CHODL: variants seen among roughly 807,000 people sequenced by gnomAD.
The protein encoded by CHODL is transmembrane protein MT75.
Under a neutral mutation model 34.5 loss-of-function variants are expected in CHODL, and 29 were observed. That is an observed-to-expected ratio of 0.84 (90% confidence interval 0.63 to 1.15). The LOEUF (loss-of-function observed/expected upper bound fraction) is 1.15. CHODL is among the 50% of genes most tolerant of loss of function. The pLI is 0.00. For missense variants in CHODL, 332 were observed against 332.5 expected (o/e 1.00, Z 0.01); for synonymous variants, 125 against 116.1 (o/e 1.08, Z -0.49).
chr21:18,091,182 C>G (rs1022463162), intron 2 of CHODL, among the ~76,000 whole-genome samples: 1 of 152,226 alleles, frequency 6.6e-6, no homozygotes, highest in African/African-American at 2.4e-5. Context: ...GGTAATTGCC[C>G]ATCCCAGCAA....
intron 2 of CHODL, among the ~76,000 whole-genome samples, chr21:18,189,277 T>C (rs1294828241): frequency 1.3e-5 from 2 of 152,176 alleles, no homozygotes; most frequent in Non-Finnish European, 2.9e-5. Context: ...TGATAGTCAA[T>C]TTATATTTTA....
At chr21:17,981,348 G>C (rs1463552592) in intron 1 of CHODL, among the ~76,000 whole-genome samples, 1 of 152,096 alleles carries the variant, frequency 6.6e-6, no homozygotes, top group African/African-American at 2.4e-5. Flanking sequence ...TTTAAACAAA[G>C]AACTGTTTCA....
intron 1 of CHODL, among the ~76,000 whole-genome samples, chr21:17,959,109 G>A (rs573532981): frequency 5.9e-5 from 9 of 152,112 alleles, no homozygotes; most frequent in South Asian, 2.1e-4. Flanking sequence ...GCAGGAGGAA[G>A]GTACATAGTT....
chr21:18,242,127 C>T (rs1405973765), upstream of CHODL, among the ~76,000 whole-genome samples: 2 of 152,048 alleles, frequency 1.3e-5, no homozygotes, highest in African/African-American at 4.8e-5. Flanking sequence ...CTCACATAAC[C>T]CTAAAGTCTC....
chr21:17,929,702 C>T (rs926028034), intron 1 of CHODL, among the ~76,000 whole-genome samples: 3 of 152,140 alleles, frequency 2.0e-5, no homozygotes, highest in Non-Finnish European at 4.4e-5. Context: ...TCCAGTCTAA[C>T]ACAGGGAACT....
rs530759968 is a variant in CHODL at position 18,101,808 on chromosome 21, C to T, written c.-45+73837C>T. ...GCATTAATGAAATTACTGTGTGACA[C>T]TCCTTGAAAAATGAGAGAAATATAT... On this transcript the variant is annotated intron_variant, in intron 2 of 6. Coordinates refer to the CHODL transcript ENST00000400127. Among the ~76,000 whole-genome samples, 4 of 151,626 alleles carry T rather than the reference C, an allele frequency of 2.6e-5. No homozygotes were observed. In the South Asian group the frequency reaches 6.3e-4, roughly 24 times the overall value.
At chr21:18,265,644 A>G (rs2074449868) in intron 5 of CHODL, among the ~76,000 whole-genome samples, 1 of 152,174 alleles carries the variant, frequency 6.6e-6, no homozygotes, top group Non-Finnish European at 1.5e-5. Context: ...ATGTAACCAA[A>G]CACCACCCGT....
At chr21:18,145,475 A>G (rs1401318998) in intron 2 of CHODL, among the ~76,000 whole-genome samples, 1 of 150,104 alleles carries the variant, frequency 6.7e-6, no homozygotes, top group African/African-American at 2.5e-5. Flanking sequence ...TCAATATGAT[A>G]TTGAATTCAT....
intron 2 of CHODL, among the ~76,000 whole-genome samples, chr21:18,095,863 G>A (rs1300753014): frequency 6.6e-6 from 1 of 152,130 alleles, no homozygotes; most frequent in African/African-American, 2.4e-5. Flanking sequence ...GCGAAACAAT[G>A]AATGTAATAT....
chr21:18,075,063 T>C (rs951440218), intron 2 of CHODL, among the ~76,000 whole-genome samples: 1 of 152,198 alleles, frequency 6.6e-6, no homozygotes, highest in African/African-American at 2.4e-5. Flanking sequence ...AAAATTAAGA[T>C]GTCTTTTTTG....
chr21:18,158,343 G>A (rs1427571326), intron 2 of CHODL, among the ~76,000 whole-genome samples: 2 of 152,102 alleles, frequency 1.3e-5, no homozygotes, highest in East Asian at 1.9e-4. Context: ...AACTTTAAAA[G>A]TGGTAACAGA....
At chr21:18,122,224 A>T (rs1260454442) in intron 2 of CHODL, among the ~76,000 whole-genome samples, 1 of 152,102 alleles carries the variant, frequency 6.6e-6, no homozygotes, top group Non-Finnish European at 1.5e-5. Flanking sequence ...AACTCTGATC[A>T]AAATAATATA....
At chr21:17,973,260 G>C (rs1166023701) in intron 1 of CHODL, among the ~76,000 whole-genome samples, 1 of 152,026 alleles carries the variant, frequency 6.6e-6, no homozygotes, top group Non-Finnish European at 1.5e-5. Context: ...AACACCAAAA[G>C]CAATGGCAAC....
chr21:18,231,274 A>C (rs2073976172), intron 2 of CHODL, among the ~76,000 whole-genome samples: 1 of 152,264 alleles, frequency 6.6e-6, no homozygotes, highest in South Asian at 2.1e-4. Context: ...AGGGTTTTGG[A>C]TCCGACGTCA....
chr21:18,034,626 T>C (rs2064288421), intron 2 of CHODL: 1 of 152,054 alleles, frequency 6.6e-6, no homozygotes, highest in African/African-American at 2.4e-5. Flanking sequence ...TGTGATTCTT[T>C]CTTCTATTGG....
At chr21:18,001,697 G>T (rs2063907941) in intron 1 of CHODL, among the ~76,000 whole-genome samples, 1 of 150,488 alleles carries the variant, frequency 6.6e-6, no homozygotes. Flanking sequence ...ATTGTTACAT[G>T]TTGCTTCTTC....
At chr21:18,031,092 T>C (rs1044428835) in intron 2 of CHODL, among the ~76,000 whole-genome samples, 1 of 152,142 alleles carries the variant, frequency 6.6e-6, no homozygotes, top group Non-Finnish European at 1.5e-5. Flanking sequence ...TTTTGGTTCA[T>C]AATGGCTCTT....
chr21:18,046,139 G>T (rs890318112), intron 2 of CHODL, among the ~76,000 whole-genome samples: 1 of 151,950 alleles, frequency 6.6e-6, no homozygotes, highest in South Asian at 2.1e-4. Context: ...AAGATAAAGT[G>T]AGAAGGTGGA....
chr21:18,219,796 G>A (rs1435557274), intron 2 of CHODL, among the ~76,000 whole-genome samples: 1 of 150,062 alleles, frequency 6.7e-6, no homozygotes, highest in African/African-American at 2.4e-5. Context: ...TTTTGCTGAT[G>A]CATTATTTGA....
Sources: gnomAD v4.1 joint callset for allele counts (sites outside exome capture counted in the v4.1 genomes callset) on GRCh38, gnomAD v4.1.1 for gene constraint, MANE v1.5 for transcripts, NCBI Gene and HGNC (gene_info 2026-07-23, HGNC 2026-07-21) for gene names.